Variants in FREM3 observed in about 807,000 individuals in gnomAD.
The protein encoded by FREM3 is FRAS1 related extracellular matrix 3, also known as FRAS1-related extracellular matrix protein 3.
Under a neutral mutation model 129.1 loss-of-function variants are expected in FREM3, and 105 were observed. The ratio of observed to expected loss-of-function variants is 0.81; its 90% confidence interval spans 0.69 to 0.96. The LOEUF is 0.96. FREM3 is among the 40% of genes least tolerant of loss of function. The pLI is 0.00. For synonymous variants in FREM3, 1,014 were observed against 1,044.9 expected (o/e 0.97, Z 0.57); for missense variants, 2,593 against 2,666.3 (o/e 0.97, Z 0.61).
chr4:143,578,876 C>A (rs190760472), intron 7 of FREM3, among the ~76,000 whole-genome samples: 2 of 152,262 alleles, frequency 1.3e-5, no homozygotes, highest in African/African-American at 4.8e-5. Context: ...GAACTGGATT[C>A]TTTTGCTGTA....
rs2149843086 is a variant in FREM3, at chr4:143,627,771, TA to T, written c.5276-12del. The T allele has an allele frequency of 6.5e-7, 1 of 1,530,306 alleles. No homozygotes were observed. Among genetic ancestry groups the T allele is most frequent in the Non-Finnish European group, 8.8e-7 (1 of 1,141,142 alleles). The allele number at this position is 1,530,306 out of a possible 1,614,324, so 94.8% of individuals were successfully genotyped here. ...TTAGTTTATTTCCTCCTGCAATTGATAGGGGCAAAGGAAAAGTCAGCTGGAG... is the reference window on the plus strand; with the variant it reads ...TTAGTTTATTTCCTCCTGCAATTGATGGGGCAAAGGAAAAGTCAGCTGGAG... On this transcript the variant is annotated splice_polypyrimidine_tract_variant and intron_variant, in intron 2 of 7. Coordinates refer to ENST00000329798, the MANE Select transcript of FREM3 (RefSeq NM_001168235.2).
chr4:143,663,225 T>C (rs1009801434), intron 2 of FREM3, among the ~76,000 whole-genome samples: 1 of 152,138 alleles, frequency 6.6e-6, no homozygotes, highest in Non-Finnish European at 1.5e-5. Flanking sequence ...CTGGTACCGG[T>C]TGTTCCTTTC....
chr4:143,671,273 A>C (rs1470653404), intron 2 of FREM3, among the ~76,000 whole-genome samples: 1 of 152,168 alleles, frequency 6.6e-6, no homozygotes, highest in Non-Finnish European at 1.5e-5. Flanking sequence ...GATTTGATTG[A>C]CTATATCAAT....
At chr4:143,655,418 G>A (rs1383537738) in intron 2 of FREM3, among the ~76,000 whole-genome samples, 1 of 152,136 alleles carries the variant, frequency 6.6e-6, no homozygotes, top group Admixed American at 6.5e-5. Flanking sequence ...AATGAGGGAA[G>A]AAAAACATTG....
intron 2 of FREM3, among the ~76,000 whole-genome samples, chr4:143,657,613 A>C (rs1374464975): frequency 6.6e-6 from 1 of 152,212 alleles, no homozygotes; most frequent in Non-Finnish European, 1.5e-5. Flanking sequence ...GAATTGTAGC[A>C]CTTTTCAGTT....
chr4:143,684,822 A>G (rs1478548483), intron 2 of FREM3, among the ~76,000 whole-genome samples: 1 of 152,242 alleles, frequency 6.6e-6, no homozygotes, highest in East Asian at 1.9e-4. Context: ...ACCATCAAAA[A>G]TTCATGAAAC....
chr4:143,645,687 A>G (rs1449534390), intron 2 of FREM3, among the ~76,000 whole-genome samples: 1 of 152,224 alleles, frequency 6.6e-6, no homozygotes, highest in African/African-American at 2.4e-5. Context: ...CAGATTTTGT[A>G]TCTGCTAGCC....
chr4:143,685,530 A>G (rs1300717316), intron 2 of FREM3, among the ~76,000 whole-genome samples: 1 of 152,230 alleles, frequency 6.6e-6, no homozygotes, highest in Non-Finnish European at 1.5e-5. Flanking sequence ...CTGGAAACAC[A>G]TCAAAACAGA....
chr4:143,610,337 T>C (rs888611442), intron 6 of FREM3, among the ~76,000 whole-genome samples: 6 of 152,166 alleles, frequency 3.9e-5, no homozygotes, highest in Non-Finnish European at 8.8e-5. Flanking sequence ...TATGAAGACA[T>C]AATTTTAAAC....
rs1317381369 is a variant in FREM3 at position 143,640,331 on chromosome 4, GA to G, written c.5276-12572del. Among the ~76,000 whole-genome samples, 17 of 152,220 alleles carry G rather than the reference GA, an allele frequency of 1.1e-4. No homozygotes were observed. In the South Asian group the frequency reaches 2.3e-3, roughly 20 times the overall value. On this transcript the variant is annotated intron_variant, in intron 2 of 7. Coordinates refer to ENST00000329798, the MANE Select transcript of FREM3 (RefSeq NM_001168235.2). ...CTGTTGAATGACAATGCTTTCTGGA[GA>G]AAAAAATGACCTAAATGTAGACTCA... is the stretch of plus-strand genomic sequence containing the variant.
chr4:143,664,810 A>G (rs4624614), intron 2 of FREM3, among the ~76,000 whole-genome samples: 82,588 of 151,716 alleles, frequency 0.54, 23,541 homozygotes, highest in East Asian at 0.71. Context: ...CCCTCCCCCA[A>G]CCTCGCTGCC....
At chr4:143,631,839 A>G (rs1739145764) in intron 2 of FREM3, among the ~76,000 whole-genome samples, 1 of 152,112 alleles carries the variant, frequency 6.6e-6, no homozygotes, top group Admixed American at 6.6e-5. Flanking sequence ...AAAATTTGTA[A>G]TGGTATTCTT....
At chr4:143,685,200 A>C (rs1740338291) in intron 2 of FREM3, among the ~76,000 whole-genome samples, 1 of 152,194 alleles carries the variant, frequency 6.6e-6, no homozygotes, top group South Asian at 2.1e-4. Context: ...GCACATTGTC[A>C]TCAGGTTATC....
chr4:143,683,355 C>G (rs1333457774), intron 2 of FREM3, among the ~76,000 whole-genome samples: 1 of 152,196 alleles, frequency 6.6e-6, no homozygotes. Context: ...CTGTGAGTGC[C>G]CCAACTATGG....
intron 2 of FREM3, among the ~76,000 whole-genome samples, chr4:143,634,326 A>G (rs550185119): frequency 1.3e-5 from 2 of 152,260 alleles, no homozygotes; most frequent in East Asian, 3.9e-4. Flanking sequence ...AGAGAGCTAA[A>G]TATATATTGT....
chr4:143,694,983 A>G (rs988686459), intron 1 of FREM3, among the ~76,000 whole-genome samples: 2 of 152,218 alleles, frequency 1.3e-5, no homozygotes, highest in African/African-American at 4.8e-5. Flanking sequence ...AAAAGAAAAA[A>G]TAATCTCAGG....
intron 2 of FREM3, among the ~76,000 whole-genome samples, chr4:143,681,287 T>C (rs1315606937): frequency 6.6e-6 from 1 of 152,132 alleles, no homozygotes; most frequent in South Asian, 2.1e-4. Context: ...TAAAACACTT[T>C]ATTGATATAT....
chr4:143,582,153 C>T (rs1342665854), intron 7 of FREM3, among the ~76,000 whole-genome samples: 1 of 152,170 alleles, frequency 6.6e-6, no homozygotes, highest in Non-Finnish European at 1.5e-5. Flanking sequence ...GGTCTCTGTC[C>T]TCGTCACCCC....
intron 2 of FREM3, among the ~76,000 whole-genome samples, chr4:143,661,241 A>C (rs1170019192): frequency 1.3e-5 from 2 of 152,186 alleles, no homozygotes; most frequent in Non-Finnish European, 2.9e-5. Context: ...AGCTCTTATT[A>C]TTTTGAGATA....
Sources: gnomAD v4.1 joint callset for allele counts (sites outside exome capture counted in the v4.1 genomes callset) on GRCh38, gnomAD v4.1.1 for gene constraint, MANE v1.5 for transcripts, NCBI Gene and HGNC (gene_info 2026-07-23, HGNC 2026-07-21) for gene names.